Variants in NPEPPS observed in about 807,000 individuals in gnomAD.
NPEPPS encodes the protein puromycin-sensitive aminopeptidase.
In NPEPPS, 14 loss-of-function variants were observed where a neutral mutation model predicts 115.5. The ratio of observed to expected loss-of-function variants is 0.12; its 90% confidence interval spans 0.08 to 0.19. The LOEUF (loss-of-function observed/expected upper bound fraction) is 0.19, where lower values mean the gene tolerates loss of function less well. NPEPPS is among the 10% of genes least tolerant of loss of function. The pLI is 1.00. For missense variants in NPEPPS, 523 were observed against 1,110.8 expected, an observed-to-expected ratio of 0.47 and a Z score of 7.52; for synonymous variants, 285 against 390.6, an observed-to-expected ratio of 0.73 and a Z score of 3.19.
In NPEPPS at chr17:47,592,075, T is replaced by C. The variant is rs1307122108; in HGVS notation, c.1365+15T>C. The C allele has an allele frequency of 2.9e-5, 42 of 1,447,066 alleles. No individual in the cohort carries two copies. The highest frequency in any genetic ancestry group is 3.9e-5 in the Non-Finnish European group (40 of 1,035,244). The allele number at this position is 1,447,066 out of a possible 1,614,324, so 89.6% of individuals were successfully genotyped here. A position where few individuals can be genotyped will look rare whatever the true frequency, so the allele number is the denominator to read the frequency against. On this transcript the variant is annotated intron_variant, in intron 11 of 22. Transcript: ENST00000322157. ...TTGGGGATAAGGTAAAAAAAAACTTTAAATATTTCATTCTTTTATGGTGAA... is the reference window on the plus strand; with the variant it reads ...TTGGGGATAAGGTAAAAAAAAACTTCAAATATTTCATTCTTTTATGGTGAA...
At chr17:47,533,652 C>T (rs571232004) in intron 1 of NPEPPS, among the ~76,000 whole-genome samples, 3 of 152,076 alleles carry the variant, frequency 2.0e-5, no homozygotes, top group South Asian at 2.1e-4. Flanking sequence ...ATTTAAGTAT[C>T]GGGATAGAAC....
At chr17:47,613,754 C>T in intron 19 of NPEPPS, 29 bp downstream of exon 19, 1 of 1,567,464 alleles carries the variant, frequency 6.4e-7, no homozygotes, top group Non-Finnish European at 8.8e-7. Flanking sequence ...GCTCCCATTT[C>T]CTGCTTTTGA....
intron 3 of NPEPPS, among the ~76,000 whole-genome samples, chr17:47,572,155 C>G (rs1477007595): frequency 6.6e-6 from 1 of 152,114 alleles, no homozygotes; most frequent in Admixed American, 6.6e-5. Flanking sequence ...TGACTCACAC[C>G]TGTAATCTCA....
chr17:47,606,363 C>G (rs1318143761), intron 17 of NPEPPS, among the ~76,000 whole-genome samples: 1 of 152,008 alleles, frequency 6.6e-6, no homozygotes, highest in Admixed American at 6.6e-5. Context: ...TTATCATCTG[C>G]TAATAACTAA....
chr17:47,606,048 T>C (rs1913497109), intron 17 of NPEPPS, among the ~76,000 whole-genome samples: 1 of 152,068 alleles, frequency 6.6e-6, no homozygotes, highest in Admixed American at 6.5e-5. Context: ...TGGTTACTTT[T>C]ATATTTATAA....
chr17:47,575,899 C>T lies in NPEPPS; in HGVS notation c.419-3491C>T, dbSNP rs143104678. Among the ~76,000 whole-genome samples the T allele has an allele frequency of 3.0e-3, 463 of 152,172 alleles. 2 individuals are homozygous for T. The highest frequency in any genetic ancestry group is 0.011 in the African/African-American group (436 of 41,512). On this transcript the variant is annotated intron_variant, in intron 3 of 22. Coordinates refer to ENST00000322157, the MANE Select transcript of NPEPPS (RefSeq NM_006310.4). Reference sequence around the variant, plus strand: ...CTGGAATTACAGGTGTGAGCCACCACGCCCCACCGACAATATTGAATTATT... The same window carrying T: ...CTGGAATTACAGGTGTGAGCCACCATGCCCCACCGACAATATTGAATTATT...
intron 13 of NPEPPS, among the ~76,000 whole-genome samples, chr17:47,599,459 T>C (rs1311156426): frequency 6.6e-6 from 1 of 152,236 alleles, no homozygotes; most frequent in Non-Finnish European, 1.5e-5. Flanking sequence ...TGTAAACACA[T>C]GTACTTACCA....
At chr17:47,583,101 G>C (rs1270518320) in intron 5 of NPEPPS, among the ~76,000 whole-genome samples, 2 of 149,690 alleles carry the variant, frequency 1.3e-5, no homozygotes, top group African/African-American at 4.9e-5. Flanking sequence ...TCCTGCCTCA[G>C]CTTCCCAAAG....
chr17:47,542,914 G>A (rs1481061516), intron 1 of NPEPPS, among the ~76,000 whole-genome samples: 1 of 151,970 alleles, frequency 6.6e-6, no homozygotes, highest in African/African-American at 2.4e-5. Flanking sequence ...TGAGACGGGC[G>A]AATCACGAGG....
At chr17:47,606,599 C>T (rs903374001) in intron 17 of NPEPPS, among the ~76,000 whole-genome samples, 3 of 151,956 alleles carry the variant, frequency 2.0e-5, no homozygotes, top group Non-Finnish European at 4.4e-5. Context: ...CATACCACCA[C>T]GCCTGCCTAA....
intron 2 of NPEPPS, among the ~76,000 whole-genome samples, chr17:47,568,134 G>A (rs1045102815): frequency 6.6e-6 from 1 of 150,642 alleles, no homozygotes; most frequent in Non-Finnish European, 1.5e-5. Flanking sequence ...ATATGCTCCA[G>A]TTTCTCTACA....
chr17:47,619,018 C>G lies in NPEPPS; in HGVS notation c.2413C>G (p.Arg805Gly). The G allele has an allele frequency of 6.2e-7, 1 of 1,612,090 alleles. No homozygotes were observed. Among genetic ancestry groups the G allele is most frequent in the Non-Finnish European group, 8.5e-7 (1 of 1,179,144 alleles). ...VLTFALSEEVRPQDTVSVIGG... is the reference protein window; with the variant it reads ...VLTFALSEEVGPQDTVSVIGG... ...CTCTTTCTTTTTTTAGGAAGAGGTA[C>G]GTCCACAGGACACTGTATCGGTAAT... Residue 805 changes from arginine (R) to glycine (G), a missense_variant, in exon 21 of 23, where the codon CGT becomes GGT. Arg to Gly is a moderately radical substitution (Grantham distance 125, BLOSUM62 -2). This residue lies in a region of NPEPPS where 372 missense variants were observed against 542.6 expected (regional missense o/e 0.69). Transcript: ENST00000322157.
chr17:47,568,947 G>A lies in NPEPPS; in HGVS notation c.341-470G>A, dbSNP rs577268128. On this transcript the variant is annotated intron_variant, in intron 2 of 22. Transcript: ENST00000322157. Reference sequence around the variant, plus strand: ...TGGGATTACAGGCGTGAGCCACCACGCCTGGCCACAACAAAGAATTTTACC... The same window carrying A: ...TGGGATTACAGGCGTGAGCCACCACACCTGGCCACAACAAAGAATTTTACC... 5.9e-3 allele frequency among the ~76,000 whole-genome samples: 896 copies of A among 152,004 alleles called. 6 individuals carry two copies. The highest frequency in any genetic ancestry group is 0.017 in the African/African-American group (721 of 41,474).
chr17:47,575,792 T>A (rs1911484425), intron 3 of NPEPPS, among the ~76,000 whole-genome samples: 1 of 151,874 alleles, frequency 6.6e-6, no homozygotes, highest in South Asian at 2.1e-4. Flanking sequence ...GTATTTTTAG[T>A]AGAGATGGGG....
intron 5 of NPEPPS, among the ~76,000 whole-genome samples, chr17:47,585,121 C>T (rs1295850964): frequency 2.6e-5 from 4 of 152,228 alleles, no homozygotes; most frequent in Non-Finnish European, 5.9e-5. Context: ...GCCACCGCGC[C>T]TAGCCCCTAT....
At chr17:47,609,643 T>C (rs1189029793) in intron 17 of NPEPPS, among the ~76,000 whole-genome samples, 1 of 152,206 alleles carries the variant, frequency 6.6e-6, no homozygotes, top group Non-Finnish European at 1.5e-5. Flanking sequence ...GTTCCATGAC[T>C]TTCGGCAAAC....
At chr17:47,566,449 C>T (rs1910819479) in intron 2 of NPEPPS, among the ~76,000 whole-genome samples, 1 of 144,146 alleles carries the variant, frequency 6.9e-6, no homozygotes. Flanking sequence ...AAGTTTAAGT[C>T]TTGCCATTTT....
chr17:47,537,434 C>T (rs1908382000), intron 1 of NPEPPS, among the ~76,000 whole-genome samples: 2 of 152,122 alleles, frequency 1.3e-5, no homozygotes, highest in African/African-American at 4.8e-5. Flanking sequence ...TGGCTCACGC[C>T]TGTAATCCCA....
chr17:47,607,503 G>A (rs1281518820), intron 17 of NPEPPS, among the ~76,000 whole-genome samples: 2 of 152,210 alleles, frequency 1.3e-5, no homozygotes, highest in South Asian at 2.1e-4. Context: ...ACAGTGAGAA[G>A]TTTTTTGACT....
Sources: allele counts gnomAD v4.1 joint callset (sites outside exome capture counted in the v4.1 genomes callset), GRCh38; gene constraint gnomAD v4.1.1; regional missense constraint gnomAD v4.1.1; transcripts MANE v1.5; gene names NCBI Gene and HGNC (gene_info 2026-07-23, HGNC 2026-07-21).